Variants in STK32B observed in about 807,000 individuals in gnomAD.
STK32B encodes serine/threonine-protein kinase 32B.
A neutral mutation model predicts 52.6 loss-of-function variants in STK32B; 43 were observed. The ratio of observed to expected loss-of-function variants is 0.82; its 90% CI spans 0.64 to 1.05. The LOEUF (loss-of-function observed/expected upper bound fraction) is 1.05. STK32B is among the 50% of genes least tolerant of loss of function. The probability of loss-of-function intolerance (pLI) is 0.00; values close to 1 mark genes in which losing one functional copy is unlikely to be tolerated. For synonymous variants in STK32B, 238 were observed against 204.3 expected, an observed-to-expected ratio of 1.17 and a Z score of -1.41; for missense variants, 621 against 534.6, an observed-to-expected ratio of 1.16 and a Z score of -1.59.
chr4:5,310,156 A>G (rs1183473058), intron 3 of STK32B, among the ~76,000 whole-genome samples: 1 of 152,122 alleles, frequency 6.6e-6, no homozygotes, highest in South Asian at 2.1e-4. Flanking sequence ...ACAGAGCAAG[A>G]CTCCATCTCA....
At chr4:5,151,382 T>C (rs933292336) in intron 2 of STK32B, among the ~76,000 whole-genome samples, 6 of 152,208 alleles carry the variant, frequency 3.9e-5, no homozygotes, top group Non-Finnish European at 8.8e-5. Flanking sequence ...TGAATGAATA[T>C]TTTGGCTTTG....
At chr4:5,302,029 A>T (rs1729591050) in intron 3 of STK32B, among the ~76,000 whole-genome samples, 1 of 151,464 alleles carries the variant, frequency 6.6e-6, no homozygotes, top group African/African-American at 2.4e-5. Flanking sequence ...CCTTTGTGTA[A>T]TAAAAACATT....
intron 3 of STK32B, among the ~76,000 whole-genome samples, chr4:5,217,797 G>A (rs756660612): frequency 1.3e-5 from 2 of 152,198 alleles, no homozygotes; most frequent in Non-Finnish European, 2.9e-5. Context: ...TTCAGGAAGA[G>A]ACAGTGGAAG....
intron 3 of STK32B, among the ~76,000 whole-genome samples, chr4:5,320,178 C>T (rs1731393737): frequency 1.3e-5 from 2 of 152,134 alleles, no homozygotes; most frequent in Non-Finnish European, 2.9e-5. Context: ...CCTTATCCTT[C>T]CCCTCCTAGA....
chr4:5,028,178 G>T, the STK32B span, among the ~76,000 whole-genome samples: 2 of 152,190 alleles, frequency 1.3e-5, no homozygotes, highest in East Asian at 3.8e-4. Flanking sequence ...CTGTCACAGA[G>T]GCTGGAGTGC....
chr4:5,134,261 A>C (rs1715939495), intron 1 of STK32B, among the ~76,000 whole-genome samples: 1 of 152,204 alleles, frequency 6.6e-6, no homozygotes, highest in African/African-American at 2.4e-5. Flanking sequence ...TTCTAATGAA[A>C]CAGTGTTGAG....
intron 1 of STK32B, among the ~76,000 whole-genome samples, chr4:5,083,342 C>T (rs535710243): frequency 6.6e-6 from 1 of 152,194 alleles, no homozygotes; most frequent in South Asian, 2.1e-4. Context: ...TGAACAAAGT[C>T]CACTTGATTG....
intron 4 of STK32B, among the ~76,000 whole-genome samples, chr4:5,344,904 TG>T (rs1205277237): frequency 6.6e-6 from 1 of 151,920 alleles, no homozygotes; most frequent in Non-Finnish European, 1.5e-5. Flanking sequence ...CTGGGCAACA[TG>T]GCAAAAACCC....
chr4:5,020,769 A>G, the STK32B span, among the ~76,000 whole-genome samples: 123,079 of 152,092 alleles, frequency 0.81, 50,364 homozygotes, highest in East Asian at 1. Flanking sequence ...AACACTGAAC[A>G]TGACTTACAT....
intron 4 of STK32B, among the ~76,000 whole-genome samples, chr4:5,340,336 G>A (rs1253201024): frequency 1.3e-5 from 2 of 152,248 alleles, no homozygotes; most frequent in Non-Finnish European, 2.9e-5. Context: ...GAGTTGGCAA[G>A]TAAGGCTTCC....
the STK32B span, among the ~76,000 whole-genome samples, chr4:5,027,325 G>A: frequency 3.3e-5 from 5 of 152,136 alleles, no homozygotes; most frequent in Non-Finnish European, 5.9e-5. Context: ...TCCTTCATAA[G>A]CCCCCAAAAC....
chr4:5,423,079 G>A (rs1033257053), intron 6 of STK32B, among the ~76,000 whole-genome samples: 1 of 152,152 alleles, frequency 6.6e-6, no homozygotes, highest in African/African-American at 2.4e-5. Flanking sequence ...GAATGCTGTG[G>A]TGAGAGCCTA....
the STK32B span, among the ~76,000 whole-genome samples, chr4:5,026,227 G>A: frequency 6.6e-6 from 1 of 152,196 alleles, no homozygotes; most frequent in African/African-American, 2.4e-5. Flanking sequence ...GTTCAGACAG[G>A]CATATTCCAA....
chr4:5,317,399 T>A (rs1731138932), intron 3 of STK32B, among the ~76,000 whole-genome samples: 1 of 85,220 alleles, frequency 1.2e-5, no homozygotes, highest in African/African-American at 7.9e-5. Context: ...ATATAATATA[T>A]ATAATGTATA....
the STK32B span, among the ~76,000 whole-genome samples, chr4:5,045,079 A>G: frequency 2.0e-5 from 3 of 152,192 alleles, no homozygotes; most frequent in Non-Finnish European, 4.4e-5. Context: ...GTCTACTCTC[A>G]GCAGAGTTGG....
At chr4:5,317,177 AAT>A (rs531271530) in intron 3 of STK32B, among the ~76,000 whole-genome samples, 1,676 of 46,470 alleles carry the variant, frequency 0.036, 163 homozygotes, top group East Asian at 0.12. Flanking sequence ...TATAACATAT[AAT>A]ATATATATAT....
At chr4:5,148,246 C>G (rs1189125784) in intron 2 of STK32B, among the ~76,000 whole-genome samples, 1 of 151,664 alleles carries the variant, frequency 6.6e-6, no homozygotes, top group Non-Finnish European at 1.5e-5. Flanking sequence ...GTTGTAACTT[C>G]TCTTTCATTT....
chr4:5,026,880 GCAGCTTC>G, the STK32B span, among the ~76,000 whole-genome samples: 1 of 152,212 alleles, frequency 6.6e-6, no homozygotes, highest in Non-Finnish European at 1.5e-5. Context: ...GAGTCCAGCA[GCAGCTTC>G]CATCTTTTTT....
chr4:5,351,097 G>A (rs1487007752), intron 4 of STK32B, among the ~76,000 whole-genome samples: 3 of 151,766 alleles, frequency 2.0e-5, no homozygotes, highest in Non-Finnish European at 2.9e-5. Flanking sequence ...CAACAACCAC[G>A]AAACACACTG....
Sources: gnomAD v4.1 joint callset for allele counts (sites outside exome capture counted in the v4.1 genomes callset) on GRCh38, gnomAD v4.1.1 for gene constraint, MANE v1.5 for transcripts, NCBI Gene and HGNC (gene_info 2026-07-23, HGNC 2026-07-21) for gene names.